PPP1R14C: variants seen among roughly 807,000 people sequenced by gnomAD.
The protein encoded by PPP1R14C is protein phosphatase 1 regulatory subunit 14C.
PPP1R14C carries 16 observed loss-of-function variants against 20.4 expected under a neutral mutation model. The ratio of observed to expected loss-of-function variants is 0.78; its 90% CI spans 0.53 to 1.19. The LOEUF (loss-of-function observed/expected upper bound fraction) is 1.19, where lower values mean the gene tolerates loss of function less well. Among genes scored for constraint, PPP1R14C ranks in the 50% most tolerant of loss-of-function variants. The pLI, the probability that PPP1R14C is intolerant of heterozygous loss-of-function variation, is 0.00. For missense variants in PPP1R14C, 211 were observed against 220.1 expected, an observed-to-expected ratio of 0.96 and a Z score of 0.26; for synonymous variants, 91 against 91.0, an observed-to-expected ratio of 1.00 and a Z score of 0.00.
chr6:150,169,017 T>C (rs1777468679), intron 1 of PPP1R14C, among the ~76,000 whole-genome samples: 1 of 152,144 alleles, frequency 6.6e-6, no homozygotes, highest in African/African-American at 2.4e-5. Context: ...GCTGGGACTA[T>C]CGGCACGCGC....
chr6:150,189,244 A>G (rs140251346), intron 1 of PPP1R14C, among the ~76,000 whole-genome samples: 1,615 of 152,278 alleles, frequency 0.011, 16 homozygotes, highest in Middle Eastern at 0.041. Context: ...ACTGAGATCA[A>G]TCCGTGAGGG....
intron 1 of PPP1R14C, among the ~76,000 whole-genome samples, chr6:150,172,436 A>G (rs1350402700): frequency 6.6e-6 from 1 of 152,202 alleles, no homozygotes; most frequent in Non-Finnish European, 1.5e-5. Context: ...GCACCAGACC[A>G]TTCCTGGCCT....
At chr6:150,236,337 C>A (rs1244549972) in intron 3 of PPP1R14C, among the ~76,000 whole-genome samples, 1 of 152,078 alleles carries the variant, frequency 6.6e-6, no homozygotes, top group Non-Finnish European at 1.5e-5. Flanking sequence ...CGGTACTGTG[C>A]CAAGCAAACT....
At chr6:150,157,729 C>T (rs1215209962) in intron 1 of PPP1R14C, among the ~76,000 whole-genome samples, 1 of 152,200 alleles carries the variant, frequency 6.6e-6, no homozygotes, top group Non-Finnish European at 1.5e-5. Flanking sequence ...AGACCCTGCC[C>T]TGGAGGGAAC....
At chr6:150,200,686 G>A (rs989517337) in intron 1 of PPP1R14C, among the ~76,000 whole-genome samples, 4 of 152,172 alleles carry the variant, frequency 2.6e-5, no homozygotes, top group Non-Finnish European at 5.9e-5. Flanking sequence ...TTTGTAACAG[G>A]AGAGGCCCAG....
chr6:150,150,235 T>C (rs1777229695), intron 1 of PPP1R14C, among the ~76,000 whole-genome samples: 1 of 149,606 alleles, frequency 6.7e-6, no homozygotes, highest in Non-Finnish European at 1.5e-5. Flanking sequence ...TTTATGTCAG[T>C]GCTGTTGGAA....
intron 1 of PPP1R14C, among the ~76,000 whole-genome samples, chr6:150,158,550 T>C (rs1274535434): frequency 6.6e-6 from 1 of 152,232 alleles, no homozygotes; most frequent in East Asian, 1.9e-4. Context: ...TTTCATAGGG[T>C]ATCTTTTATA....
intron 1 of PPP1R14C, among the ~76,000 whole-genome samples, chr6:150,188,043 C>G (rs1409837490): frequency 1.3e-5 from 2 of 152,128 alleles, no homozygotes; most frequent in African/African-American, 4.8e-5. Flanking sequence ...TGTAAAAAAA[C>G]TGAAGTAGAA....
intron 3 of PPP1R14C, among the ~76,000 whole-genome samples, chr6:150,218,394 C>T (rs1778123880): frequency 6.6e-6 from 1 of 150,766 alleles, no homozygotes; most frequent in African/African-American, 2.4e-5. Flanking sequence ...CAGAGCGAGA[C>T]TCCGTCTCAG....
chr6:150,213,385 G>A (rs552531516), intron 1 of PPP1R14C, among the ~76,000 whole-genome samples: 224 of 146,352 alleles, frequency 1.5e-3, no homozygotes, highest in African/African-American at 5.3e-3. Context: ...ACACACAAGA[G>A]GTTGAGTACT....
At chr6:150,223,955 T>A (rs534754879) in intron 3 of PPP1R14C, among the ~76,000 whole-genome samples, 2 of 152,228 alleles carry the variant, frequency 1.3e-5, no homozygotes, top group African/African-American at 2.4e-5. Flanking sequence ...TTCTCCTACA[T>A]TACCTTTTGG....
chr6:150,180,672 G>T (rs1777611369), intron 1 of PPP1R14C, among the ~76,000 whole-genome samples: 1 of 152,128 alleles, frequency 6.6e-6, no homozygotes, highest in Non-Finnish European at 1.5e-5. Context: ...GGTCCTTCCT[G>T]TGGTCACTTT....
chr6:150,209,628 G>A (rs1173769829), intron 1 of PPP1R14C, among the ~76,000 whole-genome samples: 1 of 150,944 alleles, frequency 6.6e-6, no homozygotes, highest in Non-Finnish European at 1.5e-5. Context: ...TGGAGTGTGT[G>A]TATTCATGTT....
chr6:150,173,339 T>G (rs1463991039), intron 1 of PPP1R14C, among the ~76,000 whole-genome samples: 1 of 152,098 alleles, frequency 6.6e-6, no homozygotes, highest in Non-Finnish European at 1.5e-5. Flanking sequence ...CCTTACCCTT[T>G]TTTTTTTCCA....
At chr6:150,209,527 G>A (rs1216573745) in intron 1 of PPP1R14C, among the ~76,000 whole-genome samples, 1 of 150,208 alleles carries the variant, frequency 6.7e-6, no homozygotes, top group East Asian at 2.0e-4. Context: ...TGTGTGTGTG[G>A]ATGTGAGTGT....
At chr6:150,238,276 T>A (rs1197359027) in intron 3 of PPP1R14C, among the ~76,000 whole-genome samples, 1 of 152,246 alleles carries the variant, frequency 6.6e-6, no homozygotes, top group Non-Finnish European at 1.5e-5. Context: ...GCTGAAATTG[T>A]ATTTCAACTG....
At chr6:150,174,015 T>TCCCCCCCCCC (rs571196400) in intron 1 of PPP1R14C, among the ~76,000 whole-genome samples, 1 of 92,736 alleles carries the variant, frequency 1.1e-5, no homozygotes. Flanking sequence ...CACCTCTCCC[T>TCCCCCCCCCC]CCCCCCCACC....
At chr6:150,206,304 G>A (rs1248663028) in intron 1 of PPP1R14C, among the ~76,000 whole-genome samples, 1 of 151,978 alleles carries the variant, frequency 6.6e-6, no homozygotes, top group Non-Finnish European at 1.5e-5. Flanking sequence ...TTTGTTTATT[G>A]TCTGTCTTCC....
chr6:150,144,233 G>A (rs1004665563), intron 1 of PPP1R14C, among the ~76,000 whole-genome samples: 4 of 152,152 alleles, frequency 2.6e-5, no homozygotes, highest in Admixed American at 2.6e-4. Context: ...GGAGCCCTGC[G>A]GGGGGCCTGC....
Sources: allele counts gnomAD v4.1 joint callset (sites outside exome capture counted in the v4.1 genomes callset), GRCh38; gene constraint gnomAD v4.1.1; transcripts MANE v1.5; gene names NCBI Gene and HGNC (gene_info 2026-07-23, HGNC 2026-07-21).